Variants in NID2 observed in about 807,000 individuals in gnomAD.
NID2 encodes nidogen 2, also known as nidogen-2.
NID2 carries 83 observed loss-of-function variants against 145.4 expected under a neutral mutation model. The ratio of observed to expected loss-of-function variants is 0.57; its 90% CI spans 0.48 to 0.69. The LOEUF (loss-of-function observed/expected upper bound fraction) is 0.69, where lower values mean the gene tolerates loss of function less well. NID2 is among the 30% of genes least tolerant of loss of function. NID2 has a pLI of 0.00. For synonymous variants in NID2, 739 were observed against 701.3 expected (o/e 1.05, Z -0.85); for missense variants, 1,807 against 1,765.7 (o/e 1.02, Z -0.42).
In NID2 at chr14:52,004,826, A is replaced by ATTGGAGTAATCT. The variant is rs1442878701; in HGVS notation, c.*648_*659dup. 1 of 217,630 alleles carries ATTGGAGTAATCT rather than the reference A, an allele frequency of 4.6e-6. No homozygotes were observed. The highest frequency in any genetic ancestry group is 9.6e-5 in the East Asian group (1 of 10,402). 13.5% of individuals were successfully genotyped at this position (217,630 alleles called of 1,614,324 possible). ...GTCATAGGAAAACTTAAAACACTTTATTGGAGTAATCTAGAAAATTTTAAA... is the reference window on the plus strand; with the variant it reads ...GTCATAGGAAAACTTAAAACACTTTATTGGAGTAATCTTTGGAGTAATCTAGAAAATTTTAAA... On this transcript the variant is annotated 3_prime_UTR_variant, in exon 22 of 22. Transcript: ENST00000216286.
chr14:52,027,410 T>C (rs930675562), intron 11 of NID2, 66 bp from the exon 12 acceptor site: 3 of 1,379,086 alleles, frequency 2.2e-6, no homozygotes, highest in Non-Finnish European at 2.9e-6. Flanking sequence ...TCACTCCTCA[T>C]GGCATGATCC....
intron 9 of NID2, among the ~76,000 whole-genome samples, chr14:52,030,567 A>AGAAAGAAAGAAAAAAAAGAGAAC (rs66551436): frequency 1.0e-5 from 1 of 99,272 alleles, no homozygotes; most frequent in African/African-American, 3.9e-5. Flanking sequence ...AAAGAAAGAA[A>AGAAAGAAAGAAAAAAAAGAGAAC]GGAAGGAAGG....
chr14:52,042,951 T>G lies in NID2; in HGVS notation c.1430-20A>C. On this transcript the variant is annotated intron_variant, in intron 5 of 21. Transcript: ENST00000216286. The stretch of plus-strand genomic sequence containing the variant: ...TGAAGACTGAAAAATAAAACAAACT[T>G]GCCTTAAAAGGACTAAATGATTCCA... The G allele has an allele frequency of 6.2e-7, 1 of 1,613,758 alleles. No individual in the cohort carries two copies. Among genetic ancestry groups the G allele is most frequent in the East Asian group, 2.2e-5 (1 of 44,882 alleles).
chr14:52,037,844 A>G (rs2088357), intron 9 of NID2, among the ~76,000 whole-genome samples: 40,728 of 152,132 alleles, frequency 0.27, 6,027 homozygotes, highest in East Asian at 0.52. Flanking sequence ...GTGGGATGCA[A>G]TGTACAAGTA....
chr14:52,008,003 C>T (rs1476284), intron 18 of NID2, 36 bp from the exon 19 acceptor site: 554,650 of 1,567,756 alleles, frequency 0.35, 102,832 homozygotes, highest in East Asian at 0.67. Flanking sequence ...AAAGAATAGC[C>T]ATGTAGCCTG....
intron 9 of NID2, among the ~76,000 whole-genome samples, chr14:52,029,950 C>T (rs911246435): frequency 6.6e-6 from 1 of 152,168 alleles, no homozygotes; most frequent in Non-Finnish European, 1.5e-5. Flanking sequence ...GGAATAAAAA[C>T]GCCCAAAACA....
intron 14 of NID2, 49 bp from the exon 15 acceptor site, chr14:52,015,324 A>G (rs1490735793): frequency 1.3e-6 from 2 of 1,539,338 alleles, no homozygotes; most frequent in Admixed American, 1.8e-5. Context: ...ATTGTGAGTC[A>G]AGGACAGAAT....
At chr14:52,056,741 G>A (rs561418477) in intron 3 of NID2, among the ~76,000 whole-genome samples, 4 of 152,226 alleles carry the variant, frequency 2.6e-5, no homozygotes, top group South Asian at 2.1e-4. Flanking sequence ...GCAGTGAACC[G>A]AGGTCATGCC....
Position 52,014,278 on chromosome 14 carries a change from C to T in NID2, c.3420+9G>A, listed in dbSNP as rs1891134393. 1.2e-6 allele frequency: 2 copies of T among 1,614,108 alleles called. No homozygotes were observed. Among genetic ancestry groups the T allele is most frequent in the Non-Finnish European group, 1.7e-6 (2 of 1,180,054 alleles). On this transcript the variant is annotated intron_variant, in intron 16 of 21. Transcript: ENST00000216286. Reference sequence around the variant, plus strand: ...CAGCCCTGCCCCCTACAGGAGAAATCCACTTTACATGCAGAGACAGCAGGG... The same window carrying T: ...CAGCCCTGCCCCCTACAGGAGAAATTCACTTTACATGCAGAGACAGCAGGG...
Position 52,005,381 on chromosome 14 carries a change from G to A in NID2, c.*105C>T, listed in dbSNP as rs936043399. 9 of 1,128,434 alleles carry A rather than the reference G, an allele frequency of 8.0e-6. No individual in the cohort carries two copies. Among genetic ancestry groups the A allele is most frequent in the East Asian group, 5.0e-5 (2 of 39,938 alleles). 69.9% of individuals were successfully genotyped at this position (1,128,434 alleles called of 1,614,324 possible). On this transcript the variant is annotated 3_prime_UTR_variant, in exon 22 of 22. Transcript: ENST00000216286. ...ATGTTCATCTTGGATGCTCAGGAAC[G>A]TCTAATGGCCAATTCCTTTTTTACT... is the stretch of plus-strand genomic sequence containing the variant.
rs534114057 is a variant in NID2 at position 52,045,583 on chromosome 14, T to C, written c.1430-2652A>G. 1.0e-4 allele frequency among the ~76,000 whole-genome samples: 15 copies of C among 146,534 alleles called. No individual in the cohort carries two copies. The South Asian group carries it at 3.0e-3, about 29-fold the overall frequency. On this transcript the variant is annotated intron_variant, in intron 5 of 21. Coordinates refer to ENST00000216286, the MANE Select transcript of NID2 (RefSeq NM_007361.4). ...AAAAAAAAAAAAAACCCAGGATGGA[T>C]CATGGTAAAATAGATGGCTGTGAAG... is the stretch of plus-strand genomic sequence containing the variant.
intron 9 of NID2, among the ~76,000 whole-genome samples, chr14:52,032,812 A>AAACAAAAAACAAAAAAC (rs1566757508): frequency 2.6e-5 from 4 of 151,500 alleles, no homozygotes; most frequent in South Asian, 2.1e-4. Flanking sequence ...AAGAAAAAAA[A>AAACAAAAAACAAAAAAC]AAAATCTCAG....
intron 9 of NID2, among the ~76,000 whole-genome samples, chr14:52,031,938 G>C (rs902637181): frequency 9.9e-5 from 15 of 152,140 alleles, no homozygotes; most frequent in Non-Finnish European, 1.5e-4. Context: ...CACTGCTATG[G>C]GGGGAGACTT....
chr14:52,046,310 G>C (rs375539580), intron 5 of NID2, among the ~76,000 whole-genome samples: 1 of 104,866 alleles, frequency 9.5e-6, no homozygotes, highest in East Asian at 3.0e-4. Flanking sequence ...GCGACAGAGA[G>C]AGACTCCATC....
At chr14:52,051,859 A>T (rs893232826) in intron 5 of NID2, among the ~76,000 whole-genome samples, 1 of 152,184 alleles carries the variant, frequency 6.6e-6, no homozygotes, top group African/African-American at 2.4e-5. Flanking sequence ...GATAAATATC[A>T]TAGTTCATGC....
In NID2 at chr14:52,053,625, C is replaced by T. The variant is rs778556240; in HGVS notation, c.1383G>A (p.Gly461=). 2 of 1,614,234 alleles carry T rather than the reference C, an allele frequency of 1.2e-6. No homozygotes were observed. The highest frequency in any genetic ancestry group is 8.5e-7 in the Non-Finnish European group (1 of 1,180,032). The part of the protein sequence containing the change: ...ASGHTTPLSR[G]TYEVGLEDNI... ...TGTCTTCCAGTCCCACCTCATACGT[C>T]CCTCGACTTAAGGGTGTAGTGTGAC... Residue 461 remains glycine (G), a synonymous_variant, in exon 5 of 22, where the codon GGG becomes GGA. Coordinates refer to ENST00000216286, the MANE Select transcript of NID2 (RefSeq NM_007361.4).
In NID2 at chr14:52,005,757, A is replaced by G; in HGVS notation, c.4097T>C (p.Val1366Ala). Residue 1366 changes from valine (V) to alanine (A), a missense_variant, in exon 21 of 22, where the codon GTC (valine) becomes GCC (alanine). Coordinates refer to ENST00000216286, the MANE Select transcript of NID2 (RefSeq NM_007361.4). The stretch of plus-strand genomic sequence containing the variant: ...TTTACCTGTTGGGCAGTAGGGGTAG[A>G]CTGCAGTTATCCCGTAGAGGTGAGA... ...QRSHLYGITA[V>A]YPYCPTGRK is the part of the protein sequence containing the mutation. The G allele has an allele frequency of 6.2e-7, 1 of 1,613,538 alleles. No individual in the cohort carries two copies. Among genetic ancestry groups the G allele is most frequent in the Non-Finnish European group, 8.5e-7 (1 of 1,179,470 alleles).
rs117489721 is a variant in NID2, at chr14:52,022,592, A to G, written c.2675-2414T>C. 4.8e-4 allele frequency among the ~76,000 whole-genome samples: 73 copies of G among 152,334 alleles called. No homozygotes were observed. The East Asian group carries it at 0.013, about 28-fold the overall frequency. ...GGGGCCTGTAGGGACTGCTATAAAG[A>G]CAAAAACGTTCAAGAAGTCGTAGAG... On this transcript the variant is annotated intron_variant, in intron 12 of 21. Coordinates refer to ENST00000216286, the MANE Select transcript of NID2 (RefSeq NM_007361.4).
At chr14:52,015,840 C>A (rs1030196080) in intron 14 of NID2, among the ~76,000 whole-genome samples, 2 of 152,222 alleles carry the variant, frequency 1.3e-5, no homozygotes, top group Non-Finnish European at 2.9e-5. Flanking sequence ...ACGGTGCCCT[C>A]TGTCTACCCA....
Sources: gnomAD v4.1 joint callset for allele counts (sites outside exome capture counted in the v4.1 genomes callset) on GRCh38, gnomAD v4.1.1 for gene constraint, MANE v1.5 for transcripts, NCBI Gene and HGNC (gene_info 2026-07-23, HGNC 2026-07-21) for gene names.